IRX2: variants seen among roughly 807,000 people sequenced by gnomAD.
IRX2 encodes iroquois homeobox 2.
A neutral mutation model predicts 42.9 loss-of-function variants in IRX2; 26 were observed. The observed-to-expected ratio is 0.61, with a 90% CI of 0.44 to 0.84. The LOEUF is 0.84. Ranked by LOEUF, IRX2 falls within the 40% of genes least tolerant of loss-of-function variation. The pLI is 0.00. For missense variants in IRX2, 782 were observed against 713.9 expected, an observed-to-expected ratio of 1.10 and a Z score of -1.09; for synonymous variants, 424 against 353.9, an observed-to-expected ratio of 1.20 and a Z score of -2.22.
intron 3 of IRX2, 36 bp from the exon 4 acceptor site, chr5:2,747,652 C>A (rs1050352672): frequency 5.0e-6 from 8 of 1,607,736 alleles, no homozygotes; most frequent in Non-Finnish European, 6.8e-6. Flanking sequence ...AGAACCGACC[C>A]CACAGCCTGC....
intron 3 of IRX2, 37 bp downstream of exon 3, chr5:2,748,308 C>A (rs948530010): frequency 1.5e-6 from 2 of 1,376,080 alleles, no homozygotes; most frequent in South Asian, 1.7e-5. Flanking sequence ...CTGGCTCTCC[C>A]TCCCCTCCCG....
downstream of IRX2, among the ~76,000 whole-genome samples, chr5:2,745,159 A>G (rs920999725): frequency 7.2e-5 from 11 of 152,212 alleles, no homozygotes; most frequent in African/African-American, 2.2e-4. Context: ...ACCATTCCAA[A>G]GCAGCTAAAA....
At position 2,751,598 on chromosome 5, in the gene IRX2, G is replaced by A; in HGVS notation, c.-185C>T. 5.4e-6 allele frequency: 1 copy of A among 184,812 alleles called. No individual in the cohort carries two copies. Among genetic ancestry groups the A allele is most frequent in the Non-Finnish European group, 1.0e-5 (1 of 100,420 alleles). The allele number at this position is 184,812 out of a possible 1,614,324, so 11.4% of individuals were successfully genotyped here. ...GGGCGGCGGCGGGGTGGCGGTGGCG[G>A]CGGCAGCAGCGCGGAGCCGGTGGGC... On this transcript the variant is annotated 5_prime_UTR_variant, in exon 1 of 4. Transcript: ENST00000302057. The surrounding 1 kb of genome is among the most constrained non-coding windows in gnomAD (Gnocchi z 4.0).
At chr5:2,735,819 A>T in the IRX2 span, among the ~76,000 whole-genome samples, 2 of 152,182 alleles carry the variant, frequency 1.3e-5, no homozygotes, top group Admixed American at 1.3e-4. Context: ...CTCACCAGCA[A>T]CTAGTGGAGC....
At position 2,746,444 on chromosome 5, in the gene IRX2, A is replaced by AT. The variant is rs1737666987; in HGVS notation, c.*1119_*1120insA. The AT allele has an allele frequency of 6.6e-6, 1 of 152,208 alleles. No homozygotes were observed. The highest frequency in any genetic ancestry group is 1.5e-5 in the Non-Finnish European group (1 of 68,038). 9.4% of individuals were successfully genotyped at this position (152,208 alleles called of 1,614,324 possible). A position where few individuals can be genotyped will look rare whatever the true frequency, so the allele number is the denominator to read the frequency against. On this transcript the variant is annotated 3_prime_UTR_variant, in exon 4 of 4. Coordinates refer to ENST00000302057, the MANE Select transcript of IRX2 (RefSeq NM_033267.5). ...TACTGTGTACATCTTTTACAAATAAACTTTACAGTAAATCCTATCACACCT... is the reference window on the plus strand; with the variant it reads ...TACTGTGTACATCTTTTACAAATAAATCTTTACAGTAAATCCTATCACACCT...
intron 1 of IRX2, among the ~76,000 whole-genome samples, chr5:2,750,218 C>T (rs964641970): frequency 3.3e-5 from 5 of 152,228 alleles, no homozygotes; most frequent in African/African-American, 1.2e-4. Context: ...GCCCCCAATT[C>T]ACTATTCACT....
chr5:2,751,603 A>G lies in IRX2; in HGVS notation c.-190T>C, dbSNP rs1206959276. ...GCGGCGGGGTGGCGGTGGCGGCGGC[A>G]GCAGCGCGGAGCCGGTGGGCGCAGC... On this transcript the variant is annotated 5_prime_UTR_variant, in exon 1 of 4. Transcript: ENST00000302057. This position sits in a 1 kb window ranked among gnomAD's most constrained non-coding sequence, Gnocchi z 4.0. The G allele has an allele frequency of 1.2e-5, 2 of 172,592 alleles. No individual in the cohort carries two copies. Among genetic ancestry groups the G allele is most frequent in the Non-Finnish European group, 2.2e-5 (2 of 89,968 alleles). 10.7% of individuals were successfully genotyped at this position (172,592 alleles called of 1,614,324 possible). A position where few individuals can be genotyped will look rare whatever the true frequency, so the allele number is the denominator to read the frequency against.
At chr5:2,738,315 A>G in the IRX2 span, among the ~76,000 whole-genome samples, 2 of 152,186 alleles carry the variant, frequency 1.3e-5, no homozygotes, top group African/African-American at 4.8e-5. Context: ...TTCTGTTTAT[A>G]TCTGGGCCCA....
downstream of IRX2, among the ~76,000 whole-genome samples, chr5:2,745,155 C>T (rs1182032078): frequency 6.6e-6 from 1 of 152,160 alleles, no homozygotes; most frequent in Non-Finnish European, 1.5e-5. Flanking sequence ...ACTGACCATT[C>T]CAAAGCAGCT....
downstream of IRX2, among the ~76,000 whole-genome samples, chr5:2,741,151 T>C (rs1354591983): frequency 6.6e-6 from 1 of 152,118 alleles, no homozygotes; most frequent in Non-Finnish European, 1.5e-5. Context: ...AAACAAAAGT[T>C]CTCCCCGAAG....
Position 2,751,156 on chromosome 5 carries a change from C to A in IRX2, c.249+9G>T. On this transcript the variant is annotated intron_variant, in intron 1 of 3. Coordinates refer to ENST00000302057, the MANE Select transcript of IRX2 (RefSeq NM_033267.5). This position sits in a 1 kb window ranked among gnomAD's most constrained non-coding sequence, Gnocchi z 4.0. Reference sequence around the variant, plus strand: ...CCAGGAGTCCCGCGTCCCGCCCGCGCCCGGTTACCATGTAGGACGGGAAGC... The same window carrying A: ...CCAGGAGTCCCGCGTCCCGCCCGCGACCGGTTACCATGTAGGACGGGAAGC... 8.0e-7 allele frequency: 1 copy of A among 1,242,282 alleles called. No homozygotes were observed. The highest frequency in any genetic ancestry group is 1.0e-6 in the Non-Finnish European group (1 of 992,230). The allele number at this position is 1,242,282 out of a possible 1,614,324, so 77.0% of individuals were successfully genotyped here. A position where few individuals can be genotyped will look rare whatever the true frequency, so the allele number is the denominator to read the frequency against.
At chr5:2,738,950 C>G in the IRX2 span, among the ~76,000 whole-genome samples, 1 of 152,174 alleles carries the variant, frequency 6.6e-6, no homozygotes, top group Non-Finnish European at 1.5e-5. Flanking sequence ...CCCCAGGCTG[C>G]CGGGTAGGCC....
chr5:2,738,030 G>A, the IRX2 span, among the ~76,000 whole-genome samples: 3 of 152,178 alleles, frequency 2.0e-5, no homozygotes, highest in Non-Finnish European at 4.4e-5. Context: ...TGGAAAGTTG[G>A]GGTGCATCGG....
rs754670347 is a variant in IRX2, at chr5:2,749,803, G to A, written c.250-16C>T. 1.3e-5 allele frequency: 20 copies of A among 1,583,016 alleles called. No individual in the cohort carries two copies. In the Admixed American group the frequency reaches 3.1e-4, roughly 24 times the overall value. Reference sequence around the variant, plus strand: ...AGGGTGCGCCCTGGAACCAACAAGAGCCTGTGAGTGGAGTATGCGGAGACC... The same window carrying A: ...AGGGTGCGCCCTGGAACCAACAAGAACCTGTGAGTGGAGTATGCGGAGACC... On this transcript the variant is annotated splice_polypyrimidine_tract_variant and intron_variant, in intron 1 of 3. Transcript: ENST00000302057.
chr5:2,741,627 A>C (rs904078214), downstream of IRX2, among the ~76,000 whole-genome samples: 1 of 152,236 alleles, frequency 6.6e-6, no homozygotes, highest in African/African-American at 2.4e-5. Context: ...TGCTGTTGAC[A>C]CTAACGATTA....
At position 2,748,703 on chromosome 5, in the gene IRX2, G is replaced by C; in HGVS notation, c.1005C>G (p.Ile335Met). ...SKPKLWSLAE[I>M]ATSDLKQPSL... Reference sequence around the variant, plus strand: ...TCGGCTGCTTGAGGTCCGACGTGGCGATCTCGGCCAGCGACCACAGCTTGG... The same window carrying C: ...TCGGCTGCTTGAGGTCCGACGTGGCCATCTCGGCCAGCGACCACAGCTTGG... The change falls in exon 3 of 4, where the codon ATC becomes ATG. Residue 335 changes from isoleucine to methionine, a missense_variant. Around this residue, in one of 3 missense-constraint regions of IRX2, gnomAD observed 520 missense variants for 437.8 expected, o/e 1.19. Transcript: ENST00000302057. The C allele has an allele frequency of 7.1e-7, 1 of 1,401,280 alleles. No individual in the cohort carries two copies. The highest frequency in any genetic ancestry group is 9.3e-7 in the Non-Finnish European group (1 of 1,078,380). 86.8% of individuals were successfully genotyped at this position (1,401,280 alleles called of 1,614,324 possible). A position where few individuals can be genotyped will look rare whatever the true frequency, so the allele number is the denominator to read the frequency against.
chr5:2,739,765 C>A, the IRX2 span, among the ~76,000 whole-genome samples: 1 of 152,180 alleles, frequency 6.6e-6, no homozygotes, highest in Non-Finnish European at 1.5e-5. Context: ...AGGCTGAGGG[C>A]CAGGGAGCGA....
intron 2 of IRX2, 122 bp from the exon 3 acceptor site, chr5:2,749,174 G>A (rs1387704425): frequency 6.7e-7 from 1 of 1,481,642 alleles, no homozygotes; most frequent in Non-Finnish European, 8.9e-7. Context: ...GCCCCCACCC[G>A]GCCACGTGAC....
At chr5:2,738,204 T>C in the IRX2 span, among the ~76,000 whole-genome samples, 4 of 152,186 alleles carry the variant, frequency 2.6e-5, no homozygotes, top group South Asian at 2.1e-4. Flanking sequence ...TCCAGCTCCA[T>C]AGAAATTTTA....
Sources: allele counts gnomAD v4.1 joint callset (sites outside exome capture counted in the v4.1 genomes callset), GRCh38; gene constraint gnomAD v4.1.1; regional missense constraint gnomAD v4.1.1; non-coding constraint Gnocchi (gnomAD v3.1); transcripts MANE v1.5; gene names NCBI Gene and HGNC (gene_info 2026-07-23, HGNC 2026-07-21).